Variants in CDC42BPB observed in about 807,000 individuals in gnomAD.
CDC42BPB encodes the protein serine/threonine-protein kinase MRCK beta.
Under a neutral mutation model 214.9 loss-of-function variants are expected in CDC42BPB, and 37 were observed. That is an observed-to-expected ratio of 0.17 (90% confidence interval 0.13 to 0.23). The LOEUF (loss-of-function observed/expected upper bound fraction) is 0.23. CDC42BPB is among the 10% of genes least tolerant of loss of function. CDC42BPB has a pLI of 1.00. For synonymous variants in CDC42BPB, 931 were observed against 884.0 expected, an observed-to-expected ratio of 1.05 and a Z score of -0.94; for missense variants, 1,694 against 2,227.0, an observed-to-expected ratio of 0.76 and a Z score of 4.82.
chr14:102,993,508 A>G (rs1894590669), intron 5 of CDC42BPB, among the ~76,000 whole-genome samples: 1 of 145,944 alleles, frequency 6.9e-6, no homozygotes, highest in Non-Finnish European at 1.5e-5. Flanking sequence ...AGAAAGAGAG[A>G]GGGAGAGTTG....
chr14:102,963,289 T>C (rs1893041122), intron 19 of CDC42BPB, 134 bp from the exon 20 acceptor site: 1 of 1,389,004 alleles, frequency 7.2e-7, no homozygotes. Context: ...TAGCTCATGC[T>C]GGGCCTTTCT....
chr14:102,954,776 C>T (rs1595462945), intron 21 of CDC42BPB, 88 bp from the exon 22 acceptor site: 1 of 1,514,220 alleles, frequency 6.6e-7, no homozygotes, highest in East Asian at 2.4e-5. Context: ...CTAATAAAAG[C>T]AGATTCTGTC....
intron 1 of CDC42BPB, among the ~76,000 whole-genome samples, chr14:103,055,511 T>A (rs1351945328): frequency 6.6e-6 from 1 of 152,240 alleles, no homozygotes; most frequent in Non-Finnish European, 1.5e-5. Flanking sequence ...AGTCAATTAA[T>A]TATTCAGTTG....
intron 21 of CDC42BPB, chr14:102,956,473 A>ATT: frequency 1.0e-6 from 1 of 972,542 alleles, no homozygotes; most frequent in Non-Finnish European, 1.2e-6. Context: ...AAGCTCTAAC[A>ATT]GACCCAGCCC....
intron 23 of CDC42BPB, among the ~76,000 whole-genome samples, chr14:102,953,121 C>T (rs935194514): frequency 6.6e-6 from 1 of 152,262 alleles, no homozygotes; most frequent in Non-Finnish European, 1.5e-5. Flanking sequence ...CTGCAGCAGC[C>T]CCAAGGCTGA....
intron 1 of CDC42BPB, among the ~76,000 whole-genome samples, chr14:103,037,702 G>A (rs1887741786): frequency 6.6e-6 from 1 of 152,100 alleles, no homozygotes; most frequent in Non-Finnish European, 1.5e-5. Flanking sequence ...CAAAGCTAAG[G>A]GAGGTGGCTC....
intron 9 of CDC42BPB, 77 bp downstream of exon 9, chr14:102,978,049 G>A: frequency 8.6e-7 from 1 of 1,156,152 alleles, no homozygotes; most frequent in Admixed American, 1.7e-5. Context: ...CCCGCCCCCA[G>A]GGACAGACTG....
At chr14:103,024,751 T>G (rs1338396184) in intron 1 of CDC42BPB, among the ~76,000 whole-genome samples, 1 of 152,154 alleles carries the variant, frequency 6.6e-6, no homozygotes, top group Admixed American at 6.6e-5. Context: ...CATCTACATA[T>G]GGGTCAGGGA....
intron 5 of CDC42BPB, among the ~76,000 whole-genome samples, chr14:102,997,375 C>T (rs149124842): frequency 0.019 from 2,941 of 152,244 alleles, 37 homozygotes; most frequent in South Asian, 0.053. Context: ...TCATATACCC[C>T]CCTTCCAGCC....
chr14:102,946,680 G>T lies in CDC42BPB; in HGVS notation c.3536C>A (p.Thr1179Lys), dbSNP rs369632217. The T allele has an allele frequency of 3.7e-6, 6 of 1,612,502 alleles. No individual in the cohort carries two copies. The African/African-American group carries it at 8.0e-5, about 22-fold the overall frequency. The part of the protein sequence containing the change: ...RRDIPCIFRV[T>K]ASLLGAPSKT... Reference sequence around the variant, plus strand: ...AGAAGGTGCACCTAAGAGAGAGGCCGTCACCTTCATGACAGGAAACAGAAG... The same window carrying T: ...AGAAGGTGCACCTAAGAGAGAGGCCTTCACCTTCATGACAGGAAACAGAAG... Residue 1179 changes from threonine (T) to lysine (K), a missense_variant, in exon 28 of 37, where the codon ACG becomes AAG. Thr to Lys is a moderately conservative substitution (Grantham distance 78). Transcript: ENST00000361246.
At chr14:103,014,161 G>A (rs1342332775) in intron 1 of CDC42BPB, among the ~76,000 whole-genome samples, 4 of 84,952 alleles carry the variant, frequency 4.7e-5, no homozygotes, top group South Asian at 5.6e-4. Context: ...GCGAGACTCC[G>A]TCTCAAAAAA....
intron 24 of CDC42BPB, among the ~76,000 whole-genome samples, chr14:102,951,879 G>C (rs1892506552): frequency 6.6e-6 from 1 of 152,212 alleles, no homozygotes; most frequent in Non-Finnish European, 1.5e-5. Context: ...TTTGACAGTG[G>C]AAGGTTTTAC....
rs192558538 is a variant in CDC42BPB, at chr14:102,952,368, A to T, written c.3172+130T>A. The T allele has an allele frequency of 1.8e-4, 114 of 623,444 alleles. 1 individual carries two copies. In the African/African-American group the frequency reaches 1.8e-3, roughly 10 times the overall value. The allele number at this position is 623,444 out of a possible 1,614,324, so 38.6% of individuals were successfully genotyped here. On this transcript the variant is annotated intron_variant, in intron 24 of 36. Coordinates refer to ENST00000361246, the MANE Select transcript of CDC42BPB (RefSeq NM_006035.4). The stretch of plus-strand genomic sequence containing the variant: ...CCCCCTAAAAAAAACCCTGTCCTCA[A>T]ATCATGCCAATGACATTTCACTTTA...
chr14:102,967,086 C>A lies in CDC42BPB; in HGVS notation c.2431G>T (p.Val811Leu). 2 of 1,614,224 alleles carry A rather than the reference C, an allele frequency of 1.2e-6. No individual in the cohort carries two copies. Among genetic ancestry groups the A allele is most frequent in the South Asian group, 2.2e-5 (2 of 91,082 alleles). Reference protein sequence around the residue: ...LQDLAAKKESVAHWEAQIAEI... With the variant: ...LQDLAAKKESLAHWEAQIAEI... ...GCAATCTGAGCTTCCCAGTGGGCCACTGACTCCTTCTTGGCTGCCAGATCC... is the reference window on the plus strand; with the variant it reads ...GCAATCTGAGCTTCCCAGTGGGCCAATGACTCCTTCTTGGCTGCCAGATCC... The change falls in exon 17 of 37, where the codon GTG (valine) becomes TTG (leucine). Residue 811 changes from valine to leucine, a missense_variant. This residue lies in a region of CDC42BPB where 462 missense variants were observed against 513.5 expected (regional missense o/e 0.90). Transcript: ENST00000361246.
intron 26 of CDC42BPB, among the ~76,000 whole-genome samples, chr14:102,948,922 A>G: frequency 6.6e-6 from 1 of 151,972 alleles, no homozygotes; most frequent in East Asian, 1.9e-4. Flanking sequence ...GGGACATGGA[A>G]AGTGGAGTAT....
At chr14:103,023,159 A>G (rs1050230584) in intron 1 of CDC42BPB, among the ~76,000 whole-genome samples, 8 of 142,042 alleles carry the variant, frequency 5.6e-5, no homozygotes, top group African/African-American at 1.6e-4. Context: ...GCGCATTATC[A>G]TGTGGCTAAT....
At chr14:103,037,796 C>T (rs1008118852) in intron 1 of CDC42BPB, among the ~76,000 whole-genome samples, 160 of 152,044 alleles carry the variant, frequency 1.1e-3, no homozygotes, top group Non-Finnish European at 2.0e-3. Flanking sequence ...TTTGGGAGGC[C>T]GAGGCAGGTG....
chr14:103,005,583 G>A (rs1156434890), intron 3 of CDC42BPB, among the ~76,000 whole-genome samples: 3 of 151,972 alleles, frequency 2.0e-5, no homozygotes, highest in East Asian at 1.9e-4. Flanking sequence ...GGTGTCACCC[G>A]TCTGCAGTCC....
intron 21 of CDC42BPB, among the ~76,000 whole-genome samples, chr14:102,958,737 C>T (rs895587267): frequency 3.9e-5 from 6 of 152,152 alleles, no homozygotes; most frequent in Non-Finnish European, 8.8e-5. Flanking sequence ...GCACCTGGTG[C>T]CAGACTGTTC....
Sources: gnomAD v4.1 joint callset for allele counts (sites outside exome capture counted in the v4.1 genomes callset) on GRCh38, gnomAD v4.1.1 for gene constraint, gnomAD v4.1.1 regional missense constraint, MANE v1.5 for transcripts, NCBI Gene and HGNC (gene_info 2026-07-23, HGNC 2026-07-21) for gene names.